FARS2: variants seen among roughly 807,000 people sequenced by gnomAD.
The protein encoded by FARS2 is phenylalanine--tRNA ligase, mitochondrial.
In FARS2, 40 loss-of-function variants were observed where a neutral mutation model predicts 46.4. The ratio of observed to expected loss-of-function variants is 0.86; its 90% CI spans 0.67 to 1.12. The LOEUF (loss-of-function observed/expected upper bound fraction) is 1.12, where lower values mean the gene tolerates loss of function less well. Ranked by LOEUF, FARS2 falls within the 50% of genes most tolerant of loss-of-function variation. FARS2 has a pLI of 0.00. For missense variants in FARS2, 513 were observed against 567.9 expected (o/e 0.90, Z 0.98); for synonymous variants, 234 against 214.9 (o/e 1.09, Z -0.78).
At position 5,588,887 on chromosome 6, in the gene FARS2, C is replaced by G. The variant is rs116718798; in HGVS notation, c.1066-24282C>G. Among the ~76,000 whole-genome samples, 1,252 of 152,292 alleles carry G rather than the reference C, an allele frequency of 8.2e-3. 9 individuals are homozygous for G. The highest frequency in any genetic ancestry group is 0.016 in the South Asian group (75 of 4,824). ...CCTGCCTGTCTTTCTACACCTTTGT[C>G]TATATTCACATCATCGCCATAGGCA... On this transcript the variant is annotated intron_variant, in intron 5 of 6. Coordinates refer to ENST00000274680, the MANE Select transcript of FARS2 (RefSeq NM_006567.5).
intron 4 of FARS2, among the ~76,000 whole-genome samples, chr6:5,531,245 A>T (rs911520643): frequency 6.6e-6 from 1 of 152,188 alleles, no homozygotes; most frequent in African/African-American, 2.4e-5. Context: ...GTGGGAGTCA[A>T]GCCCCTGCAG....
chr6:5,633,128 A>G (rs555272431), intron 6 of FARS2, among the ~76,000 whole-genome samples: 1 of 152,172 alleles, frequency 6.6e-6, no homozygotes, highest in South Asian at 2.1e-4. Context: ...CCTACCATCC[A>G]GAGAGTTTGT....
intron 4 of FARS2, among the ~76,000 whole-genome samples, chr6:5,472,397 A>C (rs1474621743): frequency 1.3e-5 from 2 of 152,180 alleles, no homozygotes; most frequent in African/African-American, 2.4e-5. Flanking sequence ...TCCACCAAGG[A>C]GGGTGCCCTA....
At chr6:5,751,019 G>GT (rs1412629270) in intron 6 of FARS2, among the ~76,000 whole-genome samples, 2 of 152,122 alleles carry the variant, frequency 1.3e-5, no homozygotes, top group African/African-American at 4.8e-5. Context: ...AGTTAGGCGG[G>GT]TTTTGGGGGG....
chr6:5,690,786 G>A (rs112520740), intron 6 of FARS2, among the ~76,000 whole-genome samples: 148 of 152,262 alleles, frequency 9.7e-4, no homozygotes, highest in African/African-American at 2.8e-3. Context: ...AATATCCTGC[G>A]GAGTGTTTTC....
chr6:5,513,940 C>T (rs1768615845), intron 4 of FARS2, among the ~76,000 whole-genome samples: 1 of 151,546 alleles, frequency 6.6e-6, no homozygotes, highest in Admixed American at 6.6e-5. Context: ...AAAAATTTAA[C>T]AACTATTGAT....
At chr6:5,691,011 T>A (rs1757670140) in intron 6 of FARS2, among the ~76,000 whole-genome samples, 1 of 152,254 alleles carries the variant, frequency 6.6e-6, no homozygotes, top group Non-Finnish European at 1.5e-5. Context: ...GCTTGTGCAT[T>A]CATCACATAG....
Position 5,471,793 on chromosome 6 carries a change from G to A in FARS2, c.904+40621G>A, listed in dbSNP as rs1765818896. On this transcript the variant is annotated intron_variant, in intron 4 of 6. Transcript: ENST00000274680. This position sits in a 1 kb window ranked among gnomAD's most constrained non-coding sequence, Gnocchi z 4.1. The stretch of plus-strand genomic sequence containing the variant: ...GTCTTGTCCCACCAGTGCACATGGT[G>A]CGCCCCGTCTGACACCAGGGCGACT... 6.6e-6 allele frequency among the ~76,000 whole-genome samples: 1 copy of A among 152,184 alleles called. No individual in the cohort carries two copies.
At chr6:5,308,262 A>T (rs944331254) in intron 1 of FARS2, among the ~76,000 whole-genome samples, 2 of 152,214 alleles carry the variant, frequency 1.3e-5, no homozygotes, top group African/African-American at 4.8e-5. Context: ...AGAAGCAGGA[A>T]GGAGCCCAGT....
At chr6:5,459,515 C>T (rs907874963) in intron 4 of FARS2, among the ~76,000 whole-genome samples, 27 of 152,108 alleles carry the variant, frequency 1.8e-4, no homozygotes, top group African/African-American at 5.5e-4. Context: ...CCTTTGTGGG[C>T]GGTGGTGGAA....
At position 5,743,952 on chromosome 6, in the gene FARS2, C is replaced by A. The variant is rs570293496; in HGVS notation, c.1218-27339C>A. ...CCGTGCGTTTCTCCTCAACGTCCTT[C>A]CTGTCTTACCTCTTATATAGGAGCT... On this transcript the variant is annotated intron_variant, in intron 6 of 6. Transcript: ENST00000274680. Among the ~76,000 whole-genome samples, 3 of 152,356 alleles carry A rather than the reference C, an allele frequency of 2.0e-5. No individual in the cohort carries two copies. In the East Asian group the frequency reaches 5.8e-4, roughly 29 times the overall value.
At chr6:5,453,354 GC>G (rs1313605590) in intron 4 of FARS2, among the ~76,000 whole-genome samples, 1 of 152,208 alleles carries the variant, frequency 6.6e-6, no homozygotes, top group Non-Finnish European at 1.5e-5. Flanking sequence ...GATTTCAGCT[GC>G]CTAGTGGTAA....
chr6:5,456,730 C>CAA (rs11393453), intron 4 of FARS2, among the ~76,000 whole-genome samples: 794 of 69,864 alleles, frequency 0.011, 43 homozygotes, highest in African/African-American at 0.04. Context: ...GACTCCATCT[C>CAA]AAAAAAAAAA....
At chr6:5,491,832 C>A (rs1300422821) in intron 4 of FARS2, among the ~76,000 whole-genome samples, 3 of 152,188 alleles carry the variant, frequency 2.0e-5, no homozygotes, top group Admixed American at 1.3e-4. Flanking sequence ...GTATAAAGCA[C>A]AATGAATTCC....
At chr6:5,282,888 G>A (rs1766838881) in intron 1 of FARS2, among the ~76,000 whole-genome samples, 1 of 152,200 alleles carries the variant, frequency 6.6e-6, no homozygotes, top group Non-Finnish European at 1.5e-5. Context: ...TGGCTGAACA[G>A]CAGGGATAAA....
chr6:5,601,643 G>T (rs182200351), intron 5 of FARS2, among the ~76,000 whole-genome samples: 10 of 151,836 alleles, frequency 6.6e-5, no homozygotes, highest in Non-Finnish European at 1.2e-4. Flanking sequence ...CCACTTACTG[G>T]CTGTTGGACC....
intron 1 of FARS2, among the ~76,000 whole-genome samples, chr6:5,356,667 A>C (rs966924013): frequency 6.6e-6 from 1 of 151,728 alleles, no homozygotes; most frequent in African/African-American, 2.4e-5. Flanking sequence ...ATTTTTAAAC[A>C]GAAACACACA....
At chr6:5,258,777 T>C (rs1764798663), upstream of FARS2, among the ~76,000 whole-genome samples, 1 of 152,238 alleles carries the variant, frequency 6.6e-6, no homozygotes, top group African/African-American at 2.4e-5. Context: ...AGGTATAATT[T>C]GATCAATTAT....
chr6:5,647,927 C>T (rs1777158838), intron 6 of FARS2, among the ~76,000 whole-genome samples: 1 of 152,188 alleles, frequency 6.6e-6, no homozygotes, highest in Admixed American at 6.5e-5. Flanking sequence ...GCTCGGTATT[C>T]ACTCACCATT....
Sources: gnomAD v4.1 joint callset for allele counts (sites outside exome capture counted in the v4.1 genomes callset) on GRCh38, gnomAD v4.1.1 for gene constraint, Gnocchi (gnomAD v3.1) non-coding constraint, MANE v1.5 for transcripts, NCBI Gene and HGNC (gene_info 2026-07-23, HGNC 2026-07-21) for gene names.